Variants in ENTPD1 observed in about 807,000 individuals in gnomAD.
ENTPD1 encodes ectonucleoside triphosphate diphosphohydrolase 1, also known as ATP diphosphohydrolase.
In ENTPD1, 33 loss-of-function variants were observed where a neutral mutation model predicts 57.0. The ratio of observed to expected loss-of-function variants is 0.58; its 90% CI spans 0.44 to 0.77. The LOEUF (loss-of-function observed/expected upper bound fraction) is 0.77, where lower values mean the gene tolerates loss of function less well. ENTPD1 is among the 30% of genes least tolerant of loss of function. The pLI, the probability that ENTPD1 is intolerant of heterozygous loss-of-function variation, is 0.00. For synonymous variants in ENTPD1, 202 were observed against 218.8 expected, an observed-to-expected ratio of 0.92 and a Z score of 0.68; for missense variants, 501 against 603.4, an observed-to-expected ratio of 0.83 and a Z score of 1.78.
rs542651795 is a variant in ENTPD1 at position 95,863,258 on chromosome 10, A to AC, written c.1189-1465dup. Among the ~76,000 whole-genome samples the AC allele has an allele frequency of 1.9e-3, 291 of 152,324 alleles. 5 individuals carry two copies. Among genetic ancestry groups the AC allele is most frequent in the African/African-American group, 6.5e-3 (269 of 41,572 alleles). ...CCAAAATGGCATCTCCCAGCCCCCC[A>AC]CAAGGGATAGGCCAGCCTTCAAGGA... On this transcript the variant is annotated intron_variant, in intron 8 of 9. Transcript: ENST00000371205.
intron 1 of ENTPD1, among the ~76,000 whole-genome samples, chr10:95,814,165 C>G (rs2098321286): frequency 6.6e-6 from 1 of 152,158 alleles, no homozygotes; most frequent in South Asian, 2.1e-4. Context: ...CATCACTTTG[C>G]CGGAAACAGC....
At chr10:95,803,176 T>C (rs1015553668) in intron 1 of ENTPD1, among the ~76,000 whole-genome samples, 3 of 152,240 alleles carry the variant, frequency 2.0e-5, no homozygotes, top group African/African-American at 7.2e-5. Context: ...ATATGGAATC[T>C]TCCTGTCCAT....
chr10:95,787,475 A>C (rs2098184842), intron 1 of ENTPD1, among the ~76,000 whole-genome samples: 1 of 152,186 alleles, frequency 6.6e-6, no homozygotes, highest in African/African-American at 2.4e-5. Flanking sequence ...GGCTGTATGA[A>C]AATATAGAAG....
At chr10:95,858,464 T>A (rs2098459528) in intron 7 of ENTPD1, among the ~76,000 whole-genome samples, 1 of 152,038 alleles carries the variant, frequency 6.6e-6, no homozygotes, top group Non-Finnish European at 1.5e-5. Flanking sequence ...AGTGATATGA[T>A]CAGATTTGTT....
intron 1 of ENTPD1, among the ~76,000 whole-genome samples, chr10:95,760,487 G>T (rs2098052868): frequency 6.6e-6 from 1 of 152,182 alleles, no homozygotes; most frequent in Non-Finnish European, 1.5e-5. Flanking sequence ...TTCACTATGG[G>T]TCGTGTAATC....
At chr10:95,817,168 T>TCAG (rs1324760664) in intron 1 of ENTPD1, among the ~76,000 whole-genome samples, 2 of 152,198 alleles carry the variant, frequency 1.3e-5, no homozygotes, top group Non-Finnish European at 2.9e-5. Flanking sequence ...CCCTTCCTGA[T>TCAG]GATGGTCTCT....
chr10:95,876,276 T>TC lies in ENTPD1; in HGVS notation c.*9895dup. ...ATAATAACACAAGTTGATTTTGACA[T>TC]CCAACTTATTAATTATGAAATGACT... On this transcript the variant is annotated 3_prime_UTR_variant, in exon 10 of 10. Transcript: ENST00000371205. 1.0e-6 allele frequency: 1 copy of TC among 979,278 alleles called. No homozygotes were observed. Among genetic ancestry groups the TC allele is most frequent in the Non-Finnish European group, 1.2e-6 (1 of 824,378 alleles). 60.7% of individuals were successfully genotyped at this position (979,278 alleles called of 1,614,324 possible).
intron 1 of ENTPD1, among the ~76,000 whole-genome samples, chr10:95,770,185 A>G (rs2098109890): frequency 1.3e-5 from 2 of 151,408 alleles, no homozygotes; most frequent in African/African-American, 2.4e-5. Context: ...GGATGCTCCA[A>G]CTTTAAAGGT....
In ENTPD1 at chr10:95,869,994, A is replaced by G; in HGVS notation, c.*3611A>G. Reference sequence around the variant, plus strand: ...CGTAAAGTTAAAGTTTAAAAGACACAGGAACTAAGCCCTCATTGTCTTTCC... The same window carrying G: ...CGTAAAGTTAAAGTTTAAAAGACACGGGAACTAAGCCCTCATTGTCTTTCC... On this transcript the variant is annotated 3_prime_UTR_variant, in exon 10 of 10. Transcript: ENST00000371205. 1.0e-6 allele frequency: 1 copy of G among 985,502 alleles called. No individual in the cohort carries two copies. Among genetic ancestry groups the G allele is most frequent in the Non-Finnish European group, 1.2e-6 (1 of 829,946 alleles). 61.0% of individuals were successfully genotyped at this position (985,502 alleles called of 1,614,324 possible).
intron 1 of ENTPD1, among the ~76,000 whole-genome samples, chr10:95,784,102 C>CTTTTTTTTTTTTTTTTTTTTTTTT (rs200561277): frequency 7.4e-6 from 1 of 134,610 alleles, no homozygotes; most frequent in Non-Finnish European, 1.6e-5. Flanking sequence ...TTTGCTTGTT[C>CTTTTTTTTTTTTTTTTTTTTTTTT]TTTTTTTTTT....
At chr10:95,756,129 CT>C (rs1442683722), upstream of ENTPD1, 18 of 1,547,496 alleles carry the variant, frequency 1.2e-5, no homozygotes, top group Admixed American at 3.6e-4. Context: ...GCCCAAGGGT[CT>C]GTTATATCTC....
At chr10:95,865,526 C>G (rs2098472684) in intron 9 of ENTPD1, among the ~76,000 whole-genome samples, 1 of 152,110 alleles carries the variant, frequency 6.6e-6, no homozygotes, top group South Asian at 2.1e-4. Flanking sequence ...CATTTTACCC[C>G]CTGTATTAAA....
At chr10:95,709,245 G>C (rs2097963703), upstream of ENTPD1, among the ~76,000 whole-genome samples, 1 of 152,062 alleles carries the variant, frequency 6.6e-6, no homozygotes, top group Admixed American at 6.6e-5. Context: ...AGTTTTATTT[G>C]TGTGTGTGTA....
intron 1 of ENTPD1, among the ~76,000 whole-genome samples, chr10:95,811,071 A>G (rs2098304663): frequency 6.6e-6 from 1 of 152,222 alleles, no homozygotes; most frequent in Non-Finnish European, 1.5e-5. Flanking sequence ...TACCATAGAC[A>G]TTTAATTGCA....
chr10:95,782,292 T>C (rs1226482216), intron 1 of ENTPD1, among the ~76,000 whole-genome samples: 1 of 152,252 alleles, frequency 6.6e-6, no homozygotes, highest in Non-Finnish European at 1.5e-5. Context: ...ATTTATTTAC[T>C]TTTTGGTTGA....
the ENTPD1 span, among the ~76,000 whole-genome samples, chr10:95,695,252 G>A: frequency 1.3e-5 from 2 of 152,080 alleles, no homozygotes; most frequent in African/African-American, 4.8e-5. Flanking sequence ...AACCACAGAC[G>A]TGAGTAGCTA....
intron 1 of ENTPD1, among the ~76,000 whole-genome samples, chr10:95,728,879 G>A (rs1414577119): frequency 6.6e-6 from 1 of 152,022 alleles, no homozygotes; most frequent in East Asian, 1.9e-4. Flanking sequence ...ATGGCACTAT[G>A]TATAGTCTGT....
Position 95,867,917 on chromosome 10 carries a change from T to TAA in ENTPD1, c.*1535_*1536dup. On this transcript the variant is annotated 3_prime_UTR_variant, in exon 10 of 10. Coordinates refer to ENST00000371205, the MANE Select transcript of ENTPD1 (RefSeq NM_001776.6). ...TAATAAAGCTGTGGAAAGGAACTCTTAATCTTCTTTTCTGCTACTTAGGTT... is the reference window on the plus strand; with the variant it reads ...TAATAAAGCTGTGGAAAGGAACTCTTAAAATCTTCTTTTCTGCTACTTAGGTT... 1 of 985,454 alleles carries TAA rather than the reference T, an allele frequency of 1.0e-6. No homozygotes were observed. The highest frequency in any genetic ancestry group is 1.2e-6 in the Non-Finnish European group (1 of 829,922). The allele number at this position is 985,454 out of a possible 1,614,324, so 61.0% of individuals were successfully genotyped here. A position where few individuals can be genotyped will look rare whatever the true frequency, so the allele number is the denominator to read the frequency against.
chr10:95,694,895 ATT>A, the ENTPD1 span, among the ~76,000 whole-genome samples: 8 of 98,742 alleles, frequency 8.1e-5, no homozygotes, highest in Non-Finnish European at 5.8e-5. Context: ...TGAGGAGCTG[ATT>A]TTTTTTTTTT....
Sources: allele counts gnomAD v4.1 joint callset (sites outside exome capture counted in the v4.1 genomes callset), GRCh38; gene constraint gnomAD v4.1.1; transcripts MANE v1.5; gene names NCBI Gene and HGNC (gene_info 2026-07-23, HGNC 2026-07-21).